Variants in LRMDA observed in about 807,000 individuals in gnomAD.
The protein encoded by LRMDA is leucine-rich melanocyte differentiation-associated protein.
In LRMDA, 18 loss-of-function variants were observed where a neutral mutation model predicts 29.8. The observed-to-expected ratio is 0.60, with a 90% CI of 0.42 to 0.90. The LOEUF is 0.90. LRMDA is among the 40% of genes least tolerant of loss of function. LRMDA has a pLI of 0.00. For missense variants in LRMDA, 273 were observed against 273.9 expected (o/e 1.00, Z 0.02); for synonymous variants, 125 against 109.4 (o/e 1.14, Z -0.89).
intron 2 of LRMDA, among the ~76,000 whole-genome samples, chr10:75,838,708 C>G (rs921394609): frequency 2.0e-5 from 3 of 152,228 alleles, no homozygotes; most frequent in Non-Finnish European, 2.9e-5. Flanking sequence ...ACTCAACAAG[C>G]ATTTATTTGT....
intron 5 of LRMDA, among the ~76,000 whole-genome samples, chr10:76,142,991 T>C (rs1425819787): frequency 6.6e-6 from 1 of 152,112 alleles, no homozygotes; most frequent in Non-Finnish European, 1.5e-5. Context: ...GGTTTCCAGT[T>C]TCATCCATGT....
chr10:76,198,592 C>T (rs371715848), intron 5 of LRMDA, among the ~76,000 whole-genome samples: 3 of 152,142 alleles, frequency 2.0e-5, no homozygotes, highest in African/African-American at 7.2e-5. Context: ...GTCTTTGCAT[C>T]GCCCTATTCT....
At chr10:76,456,542 G>A (rs769382407) in intron 6 of LRMDA, among the ~76,000 whole-genome samples, 1 of 151,372 alleles carries the variant, frequency 6.6e-6, no homozygotes, top group Non-Finnish European at 1.5e-5. Flanking sequence ...AAAGAGTCTT[G>A]TTTTGAAGTG....
Position 76,256,861 on chromosome 10 carries a change from A to G in LRMDA, c.517-67540A>G, listed in dbSNP as rs1478086541. Among the ~76,000 whole-genome samples, 3 of 152,322 alleles carry G rather than the reference A, an allele frequency of 2.0e-5. No homozygotes were observed. In the East Asian group the frequency reaches 5.8e-4, roughly 29 times the overall value. On this transcript the variant is annotated intron_variant, in intron 5 of 6. Coordinates refer to ENST00000611255, the MANE Select transcript of LRMDA (RefSeq NM_001305581.2). ...TAGCTGTAAATTCACAGTGGTTTGG[A>G]ATATTAGAGATCACATCACAGTCAG... is the stretch of plus-strand genomic sequence containing the variant.
At chr10:75,452,823 G>A (rs1198687044) in intron 2 of LRMDA, among the ~76,000 whole-genome samples, 1 of 152,066 alleles carries the variant, frequency 6.6e-6, no homozygotes, top group Admixed American at 6.5e-5. Context: ...CATTAAAAAA[G>A]CTGCCTGTAT....
intron 2 of LRMDA, among the ~76,000 whole-genome samples, chr10:75,977,285 C>G (rs529037836): frequency 6.6e-6 from 1 of 152,272 alleles, no homozygotes; most frequent in East Asian, 1.9e-4. Context: ...CATGTGTTGC[C>G]TTTTACAATA....
chr10:75,957,350 C>T (rs904669692), intron 2 of LRMDA, among the ~76,000 whole-genome samples: 1 of 152,212 alleles, frequency 6.6e-6, no homozygotes, highest in Admixed American at 6.5e-5. Flanking sequence ...GTCTCCTTAT[C>T]AAATGGCCCA....
At chr10:76,502,133 C>G (rs531784413) in intron 6 of LRMDA, among the ~76,000 whole-genome samples, 5 of 151,804 alleles carry the variant, frequency 3.3e-5, no homozygotes, top group Non-Finnish European at 5.9e-5. Context: ...TTCCCATTGC[C>G]TATTTTTGTC....
intron 5 of LRMDA, among the ~76,000 whole-genome samples, chr10:76,291,780 G>A (rs1334169597): frequency 6.6e-6 from 1 of 151,782 alleles, no homozygotes; most frequent in Non-Finnish European, 1.5e-5. Flanking sequence ...TAACTCTATT[G>A]TTTTCACTAC....
At chr10:75,783,630 T>A (rs1054280234) in intron 2 of LRMDA, among the ~76,000 whole-genome samples, 2 of 152,178 alleles carry the variant, frequency 1.3e-5, no homozygotes, top group African/African-American at 4.8e-5. Flanking sequence ...AAAGTGAGTC[T>A]CCTTGACCAT....
At chr10:76,414,683 C>T (rs1383811652) in intron 6 of LRMDA, among the ~76,000 whole-genome samples, 1 of 152,148 alleles carries the variant, frequency 6.6e-6, no homozygotes, top group South Asian at 2.1e-4. Flanking sequence ...TCTGTGTTCT[C>T]CTCTTCTGTG....
At chr10:75,877,863 A>G (rs533639983) in intron 2 of LRMDA, among the ~76,000 whole-genome samples, 1 of 152,242 alleles carries the variant, frequency 6.6e-6, no homozygotes, top group African/African-American at 2.4e-5. Context: ...CCTTAGCACA[A>G]ATGAAGCAGA....
At chr10:75,980,050 G>A (rs146591595) in intron 2 of LRMDA, among the ~76,000 whole-genome samples, 4 of 152,074 alleles carry the variant, frequency 2.6e-5, no homozygotes, top group African/African-American at 9.6e-5. Flanking sequence ...TTGAACAGAA[G>A]GTACAGCAAC....
At position 75,855,261 on chromosome 10, in the gene LRMDA, G is replaced by A. The variant is rs535775449; in HGVS notation, c.132-180747G>A. 5.2e-3 allele frequency among the ~76,000 whole-genome samples: 785 copies of A among 149,992 alleles called. 11 individuals are homozygous for A. The highest frequency in any genetic ancestry group is 0.018 in the African/African-American group (751 of 41,256). Reference sequence around the variant, plus strand: ...CCTGACTTTTTAATGATCGACATTCGAACTGGTGTGAGATGGTATCTCATT... The same window carrying A: ...CCTGACTTTTTAATGATCGACATTCAAACTGGTGTGAGATGGTATCTCATT... On this transcript the variant is annotated intron_variant, in intron 2 of 6. Coordinates refer to ENST00000611255, the MANE Select transcript of LRMDA (RefSeq NM_001305581.2).
At chr10:76,077,922 C>A (rs1204097876) in intron 5 of LRMDA, among the ~76,000 whole-genome samples, 1 of 150,802 alleles carries the variant, frequency 6.6e-6, no homozygotes, top group Admixed American at 6.6e-5. Context: ...TCAGGCCATG[C>A]CCTCTGGTAT....
rs71024600 is a variant in LRMDA at position 76,376,865 on chromosome 10, CTTTTTTTTT to C, written c.601+52410_601+52418del. 3.3e-3 allele frequency among the ~76,000 whole-genome samples: 154 copies of C among 47,370 alleles called. 40 individuals carry two copies. Among genetic ancestry groups the C allele is most frequent in the African/African-American group, 0.012 (135 of 11,412 alleles). 31.1% of individuals were successfully genotyped at this position (47,370 alleles called of 152,430 possible). On this transcript the variant is annotated intron_variant, in intron 6 of 6. Coordinates refer to ENST00000611255, the MANE Select transcript of LRMDA (RefSeq NM_001305581.2). ...AAATGTTTGTTGGGCACTTGGAAGT[CTTTTTTTTT>C]TTTTTTTTTTTTTTTTTTTTTTTTT...
intron 2 of LRMDA, among the ~76,000 whole-genome samples, chr10:75,577,199 C>T (rs922952217): frequency 2.6e-5 from 4 of 152,110 alleles, no homozygotes; most frequent in Admixed American, 6.5e-5. Context: ...ACATATATGA[C>T]CTGATGGAGC....
intron 6 of LRMDA, among the ~76,000 whole-genome samples, chr10:76,547,395 A>G (rs1012922976): frequency 6.6e-6 from 1 of 152,196 alleles, no homozygotes; most frequent in Non-Finnish European, 1.5e-5. Flanking sequence ...AACCTTCAGC[A>G]CAGATTGACC....
intron 5 of LRMDA, among the ~76,000 whole-genome samples, chr10:76,139,349 T>G (rs1002378650): frequency 9.9e-5 from 15 of 152,186 alleles, no homozygotes; most frequent in Non-Finnish European, 1.9e-4. Context: ...GTTAAAAATT[T>G]TTTGCATATT....
Sources: allele counts gnomAD v4.1 joint callset (sites outside exome capture counted in the v4.1 genomes callset), GRCh38; gene constraint gnomAD v4.1.1; transcripts MANE v1.5; gene names NCBI Gene and HGNC (gene_info 2026-07-23, HGNC 2026-07-21).